The following MROH1 variants were observed in gnomAD, a reference collection of about 807,000 sequenced individuals.
MROH1 encodes the protein maestro heat-like repeat-containing protein family member 1.
MROH1 carries 117 observed loss-of-function variants against 116.5 expected under a neutral mutation model. That is an observed-to-expected ratio of 1.00 (90% confidence interval 0.86 to 1.17). The LOEUF (loss-of-function observed/expected upper bound fraction) is 1.17. Ranked by LOEUF, MROH1 falls within the 50% of genes most tolerant of loss-of-function variation. The pLI is 0.00. For missense variants in MROH1, 1,873 were observed against 1,338.5 expected (o/e 1.40, Z -6.23); for synonymous variants, 921 against 583.9 (o/e 1.58, Z -8.32).
At chr8:144,194,598 C>G (rs1438896220) in intron 10 of MROH1, among the ~76,000 whole-genome samples, 1 of 152,134 alleles carries the variant, frequency 6.6e-6, no homozygotes, top group Non-Finnish European at 1.5e-5. Context: ...GTCCACCTTT[C>G]TGGCCAAGCT....
chr8:144,212,934 C>G lies in MROH1; in HGVS notation c.1142-7666C>G, dbSNP rs532310066. ...TATCTCTGTTCTCAGGAATCCAGTT[C>G]TCAAGGTTAATAGAATTGGACTATC... is the stretch of plus-strand genomic sequence containing the variant. On this transcript the variant is annotated intron_variant, in intron 12 of 43. Transcript: ENST00000326134. The G allele has an allele frequency of 7.8e-4, 570 of 731,658 alleles. 2 individuals carry two copies. Among genetic ancestry groups the G allele is most frequent in the Non-Finnish European group, 1.3e-3 (510 of 388,656 alleles). 45.3% of individuals were successfully genotyped at this position (731,658 alleles called of 1,614,324 possible).
intron 14 of MROH1, among the ~76,000 whole-genome samples, chr8:144,232,466 G>GTTTA (rs781967340): frequency 0.022 from 3,201 of 144,262 alleles, 126 homozygotes; most frequent in African/African-American, 0.076. Context: ...TGAGTGCTTT[G>GTTTA]TTTGTTTGTT....
chr8:144,199,485 C>G (rs1426247279), intron 11 of MROH1, among the ~76,000 whole-genome samples: 1 of 152,200 alleles, frequency 6.6e-6, no homozygotes, highest in Non-Finnish European at 1.5e-5. Flanking sequence ...CTACCTGCCC[C>G]CCGCCTACCT....
At chr8:144,259,611 G>A (rs1439755349) in intron 37 of MROH1, among the ~76,000 whole-genome samples, 1 of 152,248 alleles carries the variant, frequency 6.6e-6, no homozygotes, top group Non-Finnish European at 1.5e-5. Context: ...GGGTACATTT[G>A]TAGCTGGACA....
intron 19 of MROH1, 93 bp downstream of exon 19, chr8:144,240,246 C>A: frequency 1.5e-6 from 1 of 654,770 alleles, no homozygotes; most frequent in South Asian, 1.8e-5. Flanking sequence ...CTGCCTCGAC[C>A]TCACCTCGTG....
chr8:144,255,520 A>G lies in MROH1; in HGVS notation c.3606A>G (p.Ala1202=). ...GACTTCTCCCCCAGGCTACCTGTGC[A>G]CTGTTTGAGGTCATGTCCACGCCTG... ...ATLLPLSATC[A]LFEVMSTPAA... Residue 1202 remains alanine, a synonymous_variant, in exon 35 of 44, where the codon GCA becomes GCG. Coordinates refer to ENST00000326134, the MANE Select transcript of MROH1 (RefSeq NM_032450.3). 1 of 778,930 alleles carries G rather than the reference A, an allele frequency of 1.3e-6. No individual in the cohort carries two copies. The highest frequency in any genetic ancestry group is 2.4e-6 in the Non-Finnish European group (1 of 417,742). The allele number at this position is 778,930 out of a possible 1,614,324, so 48.3% of individuals were successfully genotyped here.
chr8:144,246,864 G>T (rs978482837), intron 29 of MROH1, among the ~76,000 whole-genome samples: 1 of 152,200 alleles, frequency 6.6e-6, no homozygotes, highest in Non-Finnish European at 1.5e-5. Flanking sequence ...GAGCAGAAAG[G>T]CTCTGGAAGG....
chr8:144,208,656 T>C (rs1588181156), intron 12 of MROH1, among the ~76,000 whole-genome samples: 2 of 152,290 alleles, frequency 1.3e-5, no homozygotes, highest in Middle Eastern at 3.4e-3. Context: ...ATTCAACTTA[T>C]AGCATCATAT....
intron 10 of MROH1, among the ~76,000 whole-genome samples, chr8:144,196,620 G>A (rs955677586): frequency 6.6e-6 from 1 of 151,172 alleles, no homozygotes; most frequent in Non-Finnish European, 1.5e-5. Flanking sequence ...GCCTCCCAAA[G>A]TGCTGGGATT....
At chr8:144,259,048 C>G in intron 36 of MROH1, 134 bp downstream of exon 36, 1 of 645,542 alleles carries the variant, frequency 1.5e-6, no homozygotes, top group Admixed American at 2.2e-5. Context: ...CCTGTTCACT[C>G]TCTGGGGCAG....
chr8:144,244,924 C>A (rs1841639056), intron 28 of MROH1, among the ~76,000 whole-genome samples: 1 of 152,192 alleles, frequency 6.6e-6, no homozygotes. Context: ...TCCTGGCTGG[C>A]CCTGGATCCA....
At chr8:144,168,717 A>C (rs1587835968) in intron 4 of MROH1, among the ~76,000 whole-genome samples, 1 of 152,158 alleles carries the variant, frequency 6.6e-6, no homozygotes, top group African/African-American at 2.4e-5. Context: ...TGGAGGCCTA[A>C]TGGCCGGGCT....
chr8:144,213,026 C>T, intron 12 of MROH1: 2 of 779,650 alleles, frequency 2.6e-6, no homozygotes, highest in Non-Finnish European at 4.8e-6. Context: ...ACTGATGTTG[C>T]CATCAGCAGT....
chr8:144,155,194 G>T (rs1002296987), intron 1 of MROH1, among the ~76,000 whole-genome samples: 1 of 151,882 alleles, frequency 6.6e-6, no homozygotes, highest in Admixed American at 6.6e-5. Flanking sequence ...CAGTTAATGC[G>T]CCTGCTTCAG....
In MROH1 at chr8:144,182,733, G is replaced by A. The variant is rs1295163255; in HGVS notation, c.562+2210G>A. ...CCTGAAGCCAGCATTCCAATCAGAG[G>A]CACCCTAGAAAGAATGGACAGAGAT... On this transcript the variant is annotated intron_variant, in intron 7 of 43. Transcript: ENST00000326134. This position sits in a 1 kb window ranked among gnomAD's most constrained non-coding sequence, Gnocchi z 4.1. Among the ~76,000 whole-genome samples, 1 of 152,114 alleles carries A rather than the reference G, an allele frequency of 6.6e-6. No individual in the cohort carries two copies. The highest frequency in any genetic ancestry group is 6.6e-5 in the Admixed American group (1 of 15,248).
intron 10 of MROH1, among the ~76,000 whole-genome samples, chr8:144,197,415 A>ATCTT: frequency 2.0e-5 from 1 of 49,442 alleles, no homozygotes; most frequent in Non-Finnish European, 3.4e-5. Context: ...AAGCTGCAGC[A>ATCTT]TCTTTTTTTT....
Position 144,240,131 on chromosome 8 carries a change from A to G in MROH1, c.1805A>G (p.Glu602Gly). 1 of 778,740 alleles carries G rather than the reference A, an allele frequency of 1.3e-6. No individual in the cohort carries two copies. Among genetic ancestry groups the G allele is most frequent in the African/African-American group, 1.7e-5 (1 of 59,158 alleles). 48.2% of individuals were successfully genotyped at this position (778,740 alleles called of 1,614,324 possible). A position where few individuals can be genotyped will look rare whatever the true frequency, so the allele number is the denominator to read the frequency against. The change falls in exon 19 of 44, where the codon GAG (glutamate) becomes GGG (glycine). Residue 602 changes from glutamate to glycine, a missense_variant. Physicochemically the swap from Glu to Gly is moderately conservative, Grantham distance 98 (BLOSUM62 -2). Transcript: ENST00000326134. ...ACAGAAGAGACCCTGCCACAGGAGGAGTGGGAGGAGAAGCTGTTGATGGTG... is the reference window on the plus strand; with the variant it reads ...ACAGAAGAGACCCTGCCACAGGAGGGGTGGGAGGAGAAGCTGTTGATGGTG... Reference protein sequence around the residue: ...EHTEETLPQEEWEEKLLMFLR... With the variant: ...EHTEETLPQEGWEEKLLMFLR...
At position 144,240,045 on chromosome 8, in the gene MROH1, T is replaced by A. The variant is rs1840704390; in HGVS notation, c.1775-56T>A. The A allele has an allele frequency of 4.0e-6, 3 of 749,756 alleles. No individual in the cohort carries two copies. In the Admixed American group the frequency reaches 5.6e-5, roughly 14 times the overall value. The allele number at this position is 749,756 out of a possible 1,614,324, so 46.4% of individuals were successfully genotyped here. On this transcript the variant is annotated intron_variant, in intron 18 of 43. Transcript: ENST00000326134. ...CCCAGCTCCAGGGCAGGTGCTGGGC[T>A]CTGAGCCCCACTGGTGCGTTTTGGG...
chr8:144,250,780 A>ACCCCTGGGAACTGCCTGATCTGAGC, intron 33 of MROH1: 1 of 354,618 alleles, frequency 2.8e-6, no homozygotes, highest in Admixed American at 3.9e-5. Flanking sequence ...CTGTGAGCAG[A>ACCCCTGGGAACTGCCTGATCTGAGC]CCCCTGGGAA....
Sources: allele counts gnomAD v4.1 joint callset (sites outside exome capture counted in the v4.1 genomes callset), GRCh38; gene constraint gnomAD v4.1.1; non-coding constraint Gnocchi (gnomAD v3.1); transcripts MANE v1.5; gene names NCBI Gene and HGNC (gene_info 2026-07-23, HGNC 2026-07-21).